The following SORCS1 variants were observed in gnomAD, a reference collection of about 807,000 sequenced individuals.
SORCS1 encodes the protein sortilin related VPS10 domain containing receptor 1, also known as VPS10 domain-containing receptor SorCS1.
Under a neutral mutation model 146.1 loss-of-function variants are expected in SORCS1, and 60 were observed. The observed-to-expected ratio is 0.41, with a 90% CI of 0.33 to 0.51. SORCS1 has a LOEUF of 0.51. SORCS1 is among the 20% of genes least tolerant of loss of function. The pLI is 0.21. For synonymous variants in SORCS1, 637 were observed against 584.0 expected (o/e 1.09, Z -1.31); for missense variants, 1,352 against 1,487.6 (o/e 0.91, Z 1.50).
intron 24 of SORCS1, among the ~76,000 whole-genome samples, chr10:106,588,652 G>T (rs938237368): frequency 1.3e-5 from 2 of 151,862 alleles, no homozygotes; most frequent in East Asian, 1.9e-4. Context: ...ACGAGGTCAG[G>T]AGATCGAGAC....
At chr10:106,630,113 C>T (rs762442081) in intron 18 of SORCS1, among the ~76,000 whole-genome samples, 43 of 152,160 alleles carry the variant, frequency 2.8e-4, no homozygotes, top group Non-Finnish European at 4.4e-4. Flanking sequence ...TAATGGACCA[C>T]TCCACTTCCT....
intron 1 of SORCS1, among the ~76,000 whole-genome samples, chr10:107,095,021 T>C (rs1404371601): frequency 6.6e-6 from 1 of 152,190 alleles, no homozygotes; most frequent in Non-Finnish European, 1.5e-5. Context: ...TCTATGCTGC[T>C]AACAAGATGT....
At chr10:107,014,628 T>C (rs1189195362) in intron 1 of SORCS1, among the ~76,000 whole-genome samples, 2 of 152,218 alleles carry the variant, frequency 1.3e-5, no homozygotes, top group African/African-American at 4.8e-5. Flanking sequence ...CCTGGGAATC[T>C]GTTAGAAATG....
At chr10:107,115,712 C>G (rs774597657) in intron 1 of SORCS1, among the ~76,000 whole-genome samples, 7 of 151,886 alleles carry the variant, frequency 4.6e-5, no homozygotes, top group South Asian at 4.2e-4. Flanking sequence ...GATATGACAA[C>G]AAAAGAACAG....
intron 1 of SORCS1, among the ~76,000 whole-genome samples, chr10:107,072,790 T>G (rs1224945711): frequency 6.6e-6 from 1 of 150,594 alleles, no homozygotes; most frequent in Non-Finnish European, 1.5e-5. Flanking sequence ...CTGGGAATGT[T>G]TGAATAATTG....
At chr10:107,018,638 C>G (rs1212721236) in intron 1 of SORCS1, among the ~76,000 whole-genome samples, 1 of 151,152 alleles carries the variant, frequency 6.6e-6, no homozygotes, top group African/African-American at 2.4e-5. Flanking sequence ...TTATAAGTGC[C>G]TCAGCCATGA....
intron 1 of SORCS1, among the ~76,000 whole-genome samples, chr10:107,030,398 A>G (rs904466618): frequency 2.6e-5 from 4 of 152,178 alleles, no homozygotes; most frequent in Admixed American, 6.5e-5. Flanking sequence ...TCTGAGGTCA[A>G]TTTGTAAACC....
chr10:106,633,215 G>A (rs1470201552), intron 18 of SORCS1, among the ~76,000 whole-genome samples: 1 of 151,862 alleles, frequency 6.6e-6, no homozygotes. Flanking sequence ...TATTTATGGG[G>A]GTATATGTGA....
intron 6 of SORCS1, among the ~76,000 whole-genome samples, chr10:106,709,609 C>T (rs753327308): frequency 1.3e-5 from 2 of 151,918 alleles, no homozygotes; most frequent in East Asian, 3.9e-4. Context: ...CCACAATGCC[C>T]GGCTAATTTT....
At chr10:107,039,300 CCT>C (rs1331890613) in intron 1 of SORCS1, among the ~76,000 whole-genome samples, 3 of 147,990 alleles carry the variant, frequency 2.0e-5, no homozygotes, top group Admixed American at 1.4e-4. Flanking sequence ...TGCACTCCAG[CCT>C]GGCGACAGAG....
At chr10:106,654,447 C>G (rs987703975) in intron 17 of SORCS1, among the ~76,000 whole-genome samples, 2 of 152,154 alleles carry the variant, frequency 1.3e-5, no homozygotes, top group Admixed American at 1.3e-4. Context: ...CCTCTAAACC[C>G]TTAAAAGAAT....
At chr10:107,001,183 C>T (rs541482608) in intron 1 of SORCS1, among the ~76,000 whole-genome samples, 5 of 152,060 alleles carry the variant, frequency 3.3e-5, no homozygotes, top group South Asian at 4.2e-4. Flanking sequence ...CATTTTTAAA[C>T]GTGTAGTTTG....
At chr10:107,150,777 G>A (rs1275132127) in intron 1 of SORCS1, among the ~76,000 whole-genome samples, 1 of 152,140 alleles carries the variant, frequency 6.6e-6, no homozygotes, top group Non-Finnish European at 1.5e-5. Context: ...TTTACAAGGG[G>A]CTTTTCCCCG....
At chr10:106,683,691 A>C (rs1852608773) in intron 10 of SORCS1, among the ~76,000 whole-genome samples, 1 of 152,274 alleles carries the variant, frequency 6.6e-6, no homozygotes, top group African/African-American at 2.4e-5. Context: ...CTTTATCTCC[A>C]TGGTATCTAA....
intron 3 of SORCS1, among the ~76,000 whole-genome samples, chr10:106,803,949 C>T (rs1038202625): frequency 6.6e-6 from 1 of 152,112 alleles, no homozygotes; most frequent in African/African-American, 2.4e-5. Flanking sequence ...TGACACACGA[C>T]CATTTAACAA....
At chr10:106,883,560 G>T (rs1043995821) in intron 2 of SORCS1, among the ~76,000 whole-genome samples, 1 of 151,992 alleles carries the variant, frequency 6.6e-6, no homozygotes, top group Admixed American at 6.6e-5. Context: ...GACTACAGGT[G>T]CCTGCCACCT....
chr10:106,788,439 G>C (rs1387554896), intron 3 of SORCS1, among the ~76,000 whole-genome samples: 1 of 152,186 alleles, frequency 6.6e-6, no homozygotes, highest in African/African-American at 2.4e-5. Context: ...CTGCCTCTGA[G>C]CTTGTAAAAT....
chr10:106,818,008 A>T lies in SORCS1; in HGVS notation c.726+11566T>A, dbSNP rs1947826953. On this transcript the variant is annotated intron_variant, in intron 3 of 25. Transcript: ENST00000263054. ...CTACTACCTTATATTATTTAATTGC[A>T]TTCCTGAGCTGGGATGGTAAACTCC... 5.9e-5 allele frequency among the ~76,000 whole-genome samples: 9 copies of T among 152,178 alleles called. No individual in the cohort carries two copies. In the South Asian group the frequency reaches 1.9e-3, roughly 31 times the overall value.
chr10:106,663,112 G>A (rs1589603507), intron 17 of SORCS1, among the ~76,000 whole-genome samples: 1 of 152,140 alleles, frequency 6.6e-6, no homozygotes, highest in East Asian at 1.9e-4. Context: ...ATTTATAGTG[G>A]CAGAAAAAAC....
Sources: allele counts gnomAD v4.1 joint callset (sites outside exome capture counted in the v4.1 genomes callset), GRCh38; gene constraint gnomAD v4.1.1; transcripts MANE v1.5; gene names NCBI Gene and HGNC (gene_info 2026-07-23, HGNC 2026-07-21).